The following TANK variants were observed in gnomAD, a reference collection of about 807,000 sequenced individuals.
The protein encoded by TANK is TRAF family member-associated NF-kappa-B activator.
Under a neutral mutation model 43.6 loss-of-function variants are expected in TANK, and 15 were observed. That is an observed-to-expected ratio of 0.34 (90% confidence interval 0.23 to 0.53). The LOEUF (loss-of-function observed/expected upper bound fraction) is 0.53. TANK is among the 20% of genes least tolerant of loss of function. TANK has a pLI of 0.94. For synonymous variants in TANK, 162 were observed against 178.2 expected, an observed-to-expected ratio of 0.91 and a Z score of 0.73; for missense variants, 417 against 498.6, an observed-to-expected ratio of 0.84 and a Z score of 1.56.
At position 161,172,356 on chromosome 2, in the gene TANK, T is replaced by TTTTC. The variant is rs761892558; in HGVS notation, c.-49-7255_-49-7254insCTTT. Among the ~76,000 whole-genome samples the TTTTC allele has an allele frequency of 1.4e-3, 149 of 109,878 alleles. 1 individual carries two copies. Among genetic ancestry groups the TTTTC allele is most frequent in the African/African-American group, 4.5e-3 (124 of 27,666 alleles). The allele number at this position is 109,878 out of a possible 152,430, so 72.1% of individuals were successfully genotyped here. ...TTTCAAAAATGTAGTTTTTTTCGGC[T>TTTTC]TTTTTTTTTTTTTTTTTTGGGGGTA... is the stretch of plus-strand genomic sequence containing the variant. On this transcript the variant is annotated intron_variant, in intron 1 of 7. Transcript: ENST00000392749.
At chr2:161,188,883 C>T (rs1231560444) in intron 2 of TANK, among the ~76,000 whole-genome samples, 2 of 152,188 alleles carry the variant, frequency 1.3e-5, no homozygotes, top group Admixed American at 6.5e-5. Flanking sequence ...ATAATTAATG[C>T]TGCTCCAAAA....
At chr2:161,217,419 G>T (rs1271625320) in intron 4 of TANK, among the ~76,000 whole-genome samples, 3 of 152,110 alleles carry the variant, frequency 2.0e-5, no homozygotes, top group Non-Finnish European at 4.4e-5. Context: ...AGTGGGCTTT[G>T]TTACTGGAAT....
chr2:161,202,268 C>T (rs1029659069), intron 2 of TANK, among the ~76,000 whole-genome samples: 2 of 143,606 alleles, frequency 1.4e-5, no homozygotes, highest in Non-Finnish European at 3.0e-5. Context: ...TGGCTCACTG[C>T]AAGCTCCGCC....
At chr2:161,140,468 T>G (rs1046559761) in intron 1 of TANK, among the ~76,000 whole-genome samples, 1 of 150,716 alleles carries the variant, frequency 6.6e-6, no homozygotes, top group Admixed American at 6.6e-5. Flanking sequence ...ATTTTGTCCA[T>G]TTGTCTTTTC....
intron 4 of TANK, among the ~76,000 whole-genome samples, chr2:161,210,798 A>T (rs963631857): frequency 6.6e-6 from 1 of 152,154 alleles, no homozygotes; most frequent in Non-Finnish European, 1.5e-5. Context: ...AGCTTAAGAT[A>T]GGCTTGATCA....
intron 1 of TANK, among the ~76,000 whole-genome samples, chr2:161,148,987 T>C (rs572072764): frequency 6.6e-6 from 1 of 152,210 alleles, no homozygotes; most frequent in South Asian, 2.1e-4. Context: ...CAATTTAATA[T>C]GAATTTCAGA....
intron 7 of TANK, among the ~76,000 whole-genome samples, chr2:161,233,735 T>G (rs1688037410): frequency 6.6e-6 from 1 of 152,050 alleles, no homozygotes; most frequent in African/African-American, 2.4e-5. Context: ...CTTACCAAAT[T>G]TAGAAGCTAA....
At chr2:161,168,628 T>G (rs1442287179) in intron 1 of TANK, among the ~76,000 whole-genome samples, 1 of 151,502 alleles carries the variant, frequency 6.6e-6, no homozygotes, top group Non-Finnish European at 1.5e-5. Flanking sequence ...AGGCTGGGAG[T>G]TCAAGACCAT....
At chr2:161,207,963 A>G (rs3769973) in intron 4 of TANK, 50,545 of 904,326 alleles carry the variant, frequency 0.056, 2,948 homozygotes, top group African/African-American at 0.26. Context: ...CACATTCCCA[A>G]TCAATTGGCC....
chr2:161,223,028 T>A (rs1687428528), intron 4 of TANK: 1 of 151,980 alleles, frequency 6.6e-6, no homozygotes, highest in South Asian at 2.1e-4. Flanking sequence ...AAGTAAAATC[T>A]TCCATTTATA....
intron 4 of TANK, chr2:161,207,941 A>G (rs1686720667): frequency 1.1e-6 from 1 of 947,340 alleles, no homozygotes; most frequent in African/African-American, 1.8e-5. Context: ...AAACTAACCT[A>G]TTTCTAGAAA....
chr2:161,167,279 A>G (rs569933268), intron 1 of TANK, among the ~76,000 whole-genome samples: 1 of 152,284 alleles, frequency 6.6e-6, no homozygotes, highest in South Asian at 2.1e-4. Context: ...TACATAACTG[A>G]TCAAAGCTCA....
chr2:161,156,008 G>C (rs1684215899), upstream of TANK: 5 of 955,026 alleles, frequency 5.2e-6, no homozygotes, highest in African/African-American at 1.8e-5. Context: ...TAACAAGATA[G>C]GTCATTAATA....
chr2:161,207,248 A>T, intron 4 of TANK: 1 of 253,518 alleles, frequency 3.9e-6, no homozygotes, highest in Non-Finnish European at 6.2e-6. Context: ...AAGAGTGAAT[A>T]ATATTACATC....
intron 1 of TANK, chr2:161,160,841 AG>A (rs1192587528): frequency 1.9e-6 from 1 of 525,080 alleles, no homozygotes; most frequent in East Asian, 5.1e-5. Flanking sequence ...TGGACCCTCC[AG>A]GAACATTCCC....
chr2:161,197,060 A>G (rs547902272), intron 2 of TANK, among the ~76,000 whole-genome samples: 3 of 152,206 alleles, frequency 2.0e-5, no homozygotes, highest in Non-Finnish European at 4.4e-5. Context: ...CTGAAAGGGT[A>G]TATACCAAAA....
rs569566307 is a variant in TANK, at chr2:161,219,359, A to G, written c.328-4556A>G. Among the ~76,000 whole-genome samples the G allele has an allele frequency of 4.6e-5, 7 of 152,272 alleles. No individual in the cohort carries two copies. In the South Asian group the frequency reaches 1.4e-3, roughly 32 times the overall value. On this transcript the variant is annotated intron_variant, in intron 4 of 7. Coordinates refer to ENST00000392749, the MANE Select transcript of TANK (RefSeq NM_001199135.3). ...TTTTTATATTGTTTATTTTCTTGCC[A>G]CTTCCTTCAGAACTCTGGGATGGAT...
Position 161,235,442 on chromosome 2 carries a change from C to G in TANK, c.1202C>G (p.Ala401Gly), listed in dbSNP as rs1188507983. Reference protein sequence around the residue: ...HIPRVCEFCQAVFPPSITSRG... With the variant: ...HIPRVCEFCQGVFPPSITSRG... ...CCTCGAGTATGTGAATTCTGTCAAG[C>G]AGTTTTCCCACCATCCATTACATCC... The change falls in exon 8 of 8, where the codon GCA becomes GGA. Residue 401 changes from alanine (A) to glycine (G), a missense_variant. Transcript: ENST00000392749. 6.2e-7 allele frequency: 1 copy of G among 1,613,850 alleles called. No individual in the cohort carries two copies. The highest frequency in any genetic ancestry group is 8.5e-7 in the Non-Finnish European group (1 of 1,179,930).
At chr2:161,192,966 A>G (rs916340201) in intron 2 of TANK, among the ~76,000 whole-genome samples, 2 of 152,198 alleles carry the variant, frequency 1.3e-5, no homozygotes, top group African/African-American at 4.8e-5. Context: ...ATTGCTATGA[A>G]TAACTTAATA....
Sources: allele counts gnomAD v4.1 joint callset (sites outside exome capture counted in the v4.1 genomes callset), GRCh38; gene constraint gnomAD v4.1.1; transcripts MANE v1.5; gene names NCBI Gene and HGNC (gene_info 2026-07-23, HGNC 2026-07-21).